Variants in HDAC1 observed in about 807,000 individuals in gnomAD.
HDAC1 encodes the protein protein deacetylase HDAC1.
A neutral mutation model predicts 65.5 loss-of-function variants in HDAC1; 18 were observed. That is an observed-to-expected ratio of 0.27 (90% CI 0.19 to 0.41). The LOEUF is 0.41. Among genes scored for constraint, HDAC1 ranks in the 10% least tolerant of loss-of-function variants. The pLI, the probability that HDAC1 is intolerant of heterozygous loss-of-function variation, is 1.00. For synonymous variants in HDAC1, 211 were observed against 227.9 expected (o/e 0.93, Z 0.67); for missense variants, 373 against 625.2 (o/e 0.60, Z 4.30).
rs950362262 is a variant in HDAC1 at position 32,330,442 on chromosome 1, T to G, written c.730-136T>G. 1.4e-6 allele frequency: 1 copy of G among 704,566 alleles called. No homozygotes were observed. The highest frequency in any genetic ancestry group is 2.5e-5 in the East Asian group (1 of 40,402). The allele number at this position is 704,566 out of a possible 1,614,324, so 43.6% of individuals were successfully genotyped here. ...GCAAGCAAGGGCTCCAGCCTAGCAC[T>G]CCCTTTTCTCTCCCACATAGCATGA... On this transcript the variant is annotated intron_variant, in intron 7 of 13. Coordinates refer to ENST00000373548, the MANE Select transcript of HDAC1 (RefSeq NM_004964.3). This position sits in a 1 kb window ranked among gnomAD's most constrained non-coding sequence, Gnocchi z 4.2.
At chr1:32,296,139 C>T (rs1436094824) in intron 1 of HDAC1, among the ~76,000 whole-genome samples, 1 of 152,124 alleles carries the variant, frequency 6.6e-6, no homozygotes, top group African/African-American at 2.4e-5. Context: ...TCTGTATCCC[C>T]AGCACCAAAA....
Position 32,316,755 on chromosome 1 carries a change from T to A in HDAC1, c.253T>A (p.Ser85Thr), listed in dbSNP as rs558598651. 69 of 1,611,750 alleles carry A rather than the reference T, an allele frequency of 4.3e-5. No individual in the cohort carries two copies. The South Asian group carries it at 6.8e-4, about 16-fold the overall frequency. Residue 85 changes from serine to threonine, a missense_variant, in exon 3 of 14, where the codon TCG becomes ACG. By Grantham distance (58) the Ser-to-Thr change is moderately conservative (BLOSUM62 1). This residue lies in a region of HDAC1 where 80 missense variants were observed against 126.3 expected (regional missense o/e 0.63). Coordinates refer to ENST00000373548, the MANE Select transcript of HDAC1 (RefSeq NM_004964.3). The part of the protein sequence containing the change: ...FLRSIRPDNM[S>T]EYSKQMQRFN... Reference sequence around the variant, plus strand: ...GCGCTCCATCCGTCCAGATAACATGTCGGAGTACAGCAAGCAGATGCAGAG... The same window carrying A: ...GCGCTCCATCCGTCCAGATAACATGACGGAGTACAGCAAGCAGATGCAGAG...
chr1:32,330,550 T>C lies in HDAC1; in HGVS notation c.730-28T>C. 6.7e-7 allele frequency: 1 copy of C among 1,496,212 alleles called. No homozygotes were observed. The highest frequency in any genetic ancestry group is 9.3e-7 in the Non-Finnish European group (1 of 1,072,684). 92.7% of individuals were successfully genotyped at this position (1,496,212 alleles called of 1,614,324 possible). On this transcript the variant is annotated intron_variant, in intron 7 of 13. Transcript: ENST00000373548. The surrounding 1 kb of genome is among the most constrained non-coding windows in gnomAD (Gnocchi z 4.2). Reference sequence around the variant, plus strand: ...AAACCTCGTATTGCTTTCTTGAGGTTGGTGGTGACCAGGATGTATCATTTT... The same window carrying C: ...AAACCTCGTATTGCTTTCTTGAGGTCGGTGGTGACCAGGATGTATCATTTT...
At chr1:32,305,624 T>TC (rs1193689617) in intron 2 of HDAC1, among the ~76,000 whole-genome samples, 1 of 150,248 alleles carries the variant, frequency 6.7e-6, no homozygotes, top group African/African-American at 2.5e-5. Context: ...TTTTTTTTTT[T>TC]CCCTGAGACA....
rs755305485 is a variant in HDAC1 at position 32,330,853 on chromosome 1, T to C, written c.924T>C (p.Val308=). The C allele has an allele frequency of 1.9e-6, 3 of 1,614,164 alleles. No individual in the cohort carries two copies. Among genetic ancestry groups the C allele is most frequent in the Non-Finnish European group, 2.5e-6 (3 of 1,180,016 alleles). The change falls in exon 9 of 14, where the codon GTT becomes GTC. Residue 308 remains valine (V), a synonymous_variant. Coordinates refer to ENST00000373548, the MANE Select transcript of HDAC1 (RefSeq NM_004964.3). The surrounding 1 kb of genome is among the most constrained non-coding windows in gnomAD (Gnocchi z 4.2). ...LGGGGYTIRN[V]ARCWTYETAV... is the part of the protein sequence containing the mutation. ...GCGGTGGTTACACCATTCGTAACGT[T>C]GCCCGGTGCTGGACATATGAGACAG...
intron 4 of HDAC1, among the ~76,000 whole-genome samples, chr1:32,326,363 C>A (rs1177714327): frequency 6.6e-6 from 1 of 151,988 alleles, no homozygotes; most frequent in Non-Finnish European, 1.5e-5. Context: ...TGAGGTTTAA[C>A]CATGTTGGCC....
At chr1:32,321,391 C>T in intron 3 of HDAC1, among the ~76,000 whole-genome samples, 1 of 139,382 alleles carries the variant, frequency 7.2e-6, no homozygotes, top group Non-Finnish European at 1.6e-5. Context: ...CACCCCATTA[C>T]CAGCACTGCC....
chr1:32,293,792 C>T (rs1640729389), intron 1 of HDAC1, among the ~76,000 whole-genome samples: 1 of 151,686 alleles, frequency 6.6e-6, no homozygotes, highest in South Asian at 2.1e-4. Context: ...ATCCCAGCTA[C>T]TCAGGAGGCT....
chr1:32,313,548 A>G (rs929772962), intron 2 of HDAC1, among the ~76,000 whole-genome samples: 6 of 152,230 alleles, frequency 3.9e-5, no homozygotes, highest in African/African-American at 1.4e-4. Flanking sequence ...TGCCTGAAAG[A>G]GTGACTGTCA....
chr1:32,330,496 GAA>G lies in HDAC1; in HGVS notation c.730-80_730-79del. The G allele has an allele frequency of 2.2e-6, 2 of 911,852 alleles. No homozygotes were observed. The highest frequency in any genetic ancestry group is 3.7e-6 in the Non-Finnish European group (2 of 546,066). The allele number at this position is 911,852 out of a possible 1,614,324, so 56.5% of individuals were successfully genotyped here. On this transcript the variant is annotated intron_variant, in intron 7 of 13. Transcript: ENST00000373548. The surrounding 1 kb of genome is among the most constrained non-coding windows in gnomAD (Gnocchi z 4.2). ...AGAGTGGAAAGGTAGGAGTGGGTGG[GAA>G]AGTGTTGCACCCAGCCTTTCCACTC...
At chr1:32,294,874 T>G (rs1640747675) in intron 1 of HDAC1, among the ~76,000 whole-genome samples, 1 of 151,498 alleles carries the variant, frequency 6.6e-6, no homozygotes, top group African/African-American at 2.4e-5. Context: ...TTGCCTGGGC[T>G]TGTCTTGAAC....
intron 2 of HDAC1, among the ~76,000 whole-genome samples, chr1:32,307,393 T>C (rs1244084522): frequency 1.3e-5 from 2 of 152,198 alleles, no homozygotes; most frequent in African/African-American, 2.4e-5. Context: ...CATATCAAAA[T>C]TGCCAGCATC....
chr1:32,303,889 C>G (rs1640880601), intron 2 of HDAC1, among the ~76,000 whole-genome samples: 1 of 152,070 alleles, frequency 6.6e-6, no homozygotes, highest in African/African-American at 2.4e-5. Context: ...AGAGTTTTTG[C>G]TTTTTGGTTT....
At chr1:32,297,777 ATTTTTTTTT>A (rs71571709) in intron 1 of HDAC1, among the ~76,000 whole-genome samples, 5 of 72,146 alleles carry the variant, frequency 6.9e-5, no homozygotes, top group African/African-American at 1.2e-4. Flanking sequence ...CGCCTGGCTA[ATTTTTTTTT>A]TTTTTTTTTT....
In HDAC1 at chr1:32,330,611, A is replaced by C; in HGVS notation, c.763A>C (p.Ser255Arg). Residue 255 changes from serine to arginine, a missense_variant, in exon 8 of 14, where the codon AGT (serine) becomes CGT (arginine). Transcript: ENST00000373548. The surrounding 1 kb of genome is among the most constrained non-coding windows in gnomAD (Gnocchi z 4.2). ...CAAAGTAATGGAGATGTTCCAGCCT[A>C]GTGCGGTGGTCTTACAGTGTGGCTC... ...MSKVMEMFQP[S>R]AVVLQCGSDS... 1 of 1,613,760 alleles carries C rather than the reference A, an allele frequency of 6.2e-7. No individual in the cohort carries two copies. The highest frequency in any genetic ancestry group is 8.5e-7 in the Non-Finnish European group (1 of 1,179,648).
chr1:32,318,784 G>A (rs371877482), intron 3 of HDAC1, among the ~76,000 whole-genome samples: 2 of 151,994 alleles, frequency 1.3e-5, no homozygotes, highest in South Asian at 2.1e-4. Context: ...GCTCTGGTGC[G>A]CCAATTTTTC....
At chr1:32,294,761 G>A (rs895054021) in intron 1 of HDAC1, among the ~76,000 whole-genome samples, 8 of 151,504 alleles carry the variant, frequency 5.3e-5, no homozygotes, top group Admixed American at 2.0e-4. Context: ...TGATCCGCCC[G>A]CCTCGGCCTC....
At position 32,328,147 on chromosome 1, in the gene HDAC1, C is replaced by G. The variant is rs77312647; in HGVS notation, c.636+470C>G. On this transcript the variant is annotated intron_variant, in intron 6 of 13. Coordinates refer to ENST00000373548, the MANE Select transcript of HDAC1 (RefSeq NM_004964.3). ...CCCCTTACTGAAGCCCATCCATGAA[C>G]CTTAGGATAAGAATCCTTGGAAGCT... is the stretch of plus-strand genomic sequence containing the variant. Among the ~76,000 whole-genome samples, 483 of 152,258 alleles carry G rather than the reference C, an allele frequency of 3.2e-3. 6 individuals carry two copies. Among genetic ancestry groups the G allele is most frequent in the African/African-American group, 0.01 (423 of 41,542 alleles).
At chr1:32,302,783 C>T (rs1239819435) in intron 2 of HDAC1, 50 bp downstream of exon 2, 6 of 823,250 alleles carry the variant, frequency 7.3e-6, no homozygotes, top group Non-Finnish European at 1.3e-5. Flanking sequence ...GCTCTGGTTC[C>T]CCATATGCCA....
Sources: gnomAD v4.1 joint callset for allele counts (sites outside exome capture counted in the v4.1 genomes callset) on GRCh38, gnomAD v4.1.1 for gene constraint, gnomAD v4.1.1 regional missense constraint, Gnocchi (gnomAD v3.1) non-coding constraint, MANE v1.5 for transcripts, NCBI Gene and HGNC (gene_info 2026-07-23, HGNC 2026-07-21) for gene names.